The following FHIT variants were observed in gnomAD, a reference collection of about 807,000 sequenced individuals.
FHIT encodes fragile histidine triad diadenosine triphosphatase.
FHIT carries 19 observed loss-of-function variants against 17.9 expected under a neutral mutation model. The observed-to-expected ratio is 1.06, with a 90% CI of 0.74 to 1.56. FHIT has a LOEUF of 1.56. Ranked by LOEUF, FHIT falls within the 40% of genes most tolerant of loss-of-function variation. The pLI, the probability that FHIT is intolerant of heterozygous loss-of-function variation, is 0.00. For synonymous variants in FHIT, 81 were observed against 69.7 expected (o/e 1.16, Z -0.81); for missense variants, 248 against 189.2 (o/e 1.31, Z -1.82).
At chr3:60,378,089 C>T (rs2687162) in intron 5 of FHIT, among the ~76,000 whole-genome samples, 5,075 of 152,018 alleles carry the variant, frequency 0.033, 298 homozygotes, top group African/African-American at 0.11. Context: ...TGCAGTGGCG[C>T]GATCACGGCT....
intron 5 of FHIT, among the ~76,000 whole-genome samples, chr3:60,026,724 G>C (rs1402857943): frequency 1.3e-5 from 2 of 152,206 alleles, no homozygotes; most frequent in East Asian, 3.9e-4. Flanking sequence ...TTTAGAATTT[G>C]CAAGTTTTTT....
At chr3:60,333,438 C>T (rs530471912) in intron 5 of FHIT, among the ~76,000 whole-genome samples, 2 of 151,442 alleles carry the variant, frequency 1.3e-5, no homozygotes, top group East Asian at 2.0e-4. Flanking sequence ...ATTGCTGAAA[C>T]AGTTAAGATA....
intron 2 of FHIT, among the ~76,000 whole-genome samples, chr3:61,147,663 TA>T (rs34665072): frequency 0.5 from 76,434 of 151,556 alleles, 20,044 homozygotes; most frequent in East Asian, 0.87. Flanking sequence ...TATGAAAATA[TA>T]AAAAAATAAT....
intron 2 of FHIT, among the ~76,000 whole-genome samples, chr3:61,185,194 C>A (rs1366233258): frequency 1.3e-5 from 2 of 152,076 alleles, no homozygotes; most frequent in African/African-American, 4.8e-5. Flanking sequence ...AGGGTTAAGC[C>A]GGAGCAAAGC....
At chr3:59,769,138 T>C (rs1364125920) in intron 8 of FHIT, among the ~76,000 whole-genome samples, 1 of 152,212 alleles carries the variant, frequency 6.6e-6, no homozygotes, top group Non-Finnish European at 1.5e-5. Flanking sequence ...TTGTGACCCA[T>C]AATTAATGTC....
At chr3:61,101,023 G>A (rs556584192) in intron 2 of FHIT, among the ~76,000 whole-genome samples, 109 of 152,286 alleles carry the variant, frequency 7.2e-4, no homozygotes, top group Non-Finnish European at 1.4e-3. Context: ...GGTTTACTCT[G>A]AAGGTAGTTT....
intron 4 of FHIT, 34 bp from the exon 5 acceptor site, chr3:60,537,013 C>G: frequency 6.4e-7 from 1 of 1,562,038 alleles, no homozygotes; most frequent in Non-Finnish European, 8.6e-7. Context: ...TTATAAAATT[C>G]AATTAAGAAA....
intron 5 of FHIT, among the ~76,000 whole-genome samples, chr3:60,315,475 C>G (rs924379104): frequency 9.2e-5 from 14 of 152,124 alleles, no homozygotes; most frequent in Admixed American, 2.6e-4. Context: ...AAATAAGAAA[C>G]CAGTATCCTA....
chr3:60,083,947 C>A (rs1000218880), intron 5 of FHIT, among the ~76,000 whole-genome samples: 1 of 152,166 alleles, frequency 6.6e-6, no homozygotes. Flanking sequence ...ATTGCCTCAG[C>A]ATCAAATTCA....
At chr3:61,017,024 C>T (rs1292520154) in intron 3 of FHIT, among the ~76,000 whole-genome samples, 1 of 152,150 alleles carries the variant, frequency 6.6e-6, no homozygotes, top group Non-Finnish European at 1.5e-5. Context: ...TGGTGGCTCA[C>T]ACCTGTAATC....
chr3:61,209,761 C>T (rs557333169), intron 1 of FHIT, among the ~76,000 whole-genome samples: 21 of 152,238 alleles, frequency 1.4e-4, no homozygotes, highest in African/African-American at 4.8e-4. Flanking sequence ...GTTCGAACTT[C>T]CTCCTTTAGC....
intron 3 of FHIT, among the ~76,000 whole-genome samples, chr3:60,919,773 T>G (rs142368074): frequency 2.0e-5 from 3 of 152,206 alleles, no homozygotes; most frequent in African/African-American, 7.2e-5. Context: ...CAGTGGCTCA[T>G]GCTTGTAATC....
chr3:60,609,020 T>A (rs1298122752), intron 4 of FHIT, among the ~76,000 whole-genome samples: 5 of 137,496 alleles, frequency 3.6e-5, no homozygotes, highest in Non-Finnish European at 1.6e-5. Context: ...ACGCACAATT[T>A]GGAAAAAAAA....
chr3:59,929,894 C>G (rs889310201), intron 7 of FHIT, among the ~76,000 whole-genome samples: 4 of 146,976 alleles, frequency 2.7e-5, no homozygotes, highest in Non-Finnish European at 6.0e-5. Context: ...TTGCCCCAGA[C>G]AAAAACCCTG....
intron 5 of FHIT, among the ~76,000 whole-genome samples, chr3:60,357,219 T>C (rs1699706551): frequency 6.6e-6 from 1 of 152,144 alleles, no homozygotes; most frequent in Admixed American, 6.5e-5. Context: ...TTTGTTTGTT[T>C]GTTTCTGAGA....
chr3:59,981,805 C>G (rs1213237091), intron 7 of FHIT, among the ~76,000 whole-genome samples: 2 of 152,072 alleles, frequency 1.3e-5, no homozygotes. Context: ...AGCCTTTCAG[C>G]TCTGGAATCG....
chr3:60,269,673 T>C (rs1706765767), intron 5 of FHIT, among the ~76,000 whole-genome samples: 1 of 152,236 alleles, frequency 6.6e-6, no homozygotes, highest in African/African-American at 2.4e-5. Flanking sequence ...TAAAATATCC[T>C]AGCATTGAGC....
chr3:60,835,653 G>T (rs1198509553), intron 3 of FHIT, among the ~76,000 whole-genome samples: 13 of 152,068 alleles, frequency 8.5e-5, no homozygotes, highest in Non-Finnish European at 1.6e-4. Context: ...ACCCAGGTTG[G>T]AGTGCAGTGG....
chr3:60,598,335 CCT>C (rs2038335511), intron 4 of FHIT, among the ~76,000 whole-genome samples: 1 of 152,188 alleles, frequency 6.6e-6, no homozygotes, highest in African/African-American at 2.4e-5. Flanking sequence ...TGTTTTCTCT[CCT>C]CTCAGAATTA....
Sources: gnomAD v4.1 joint callset for allele counts (sites outside exome capture counted in the v4.1 genomes callset) on GRCh38, gnomAD v4.1.1 for gene constraint, MANE v1.5 for transcripts, NCBI Gene and HGNC (gene_info 2026-07-23, HGNC 2026-07-21) for gene names.